ZNRF2: variants seen among roughly 807,000 people sequenced by gnomAD.
The protein encoded by ZNRF2 is E3 ubiquitin-protein ligase ZNRF2.
A neutral mutation model predicts 20.4 loss-of-function variants in ZNRF2; 16 were observed. That is an observed-to-expected ratio of 0.79 (90% CI 0.53 to 1.19). The LOEUF (loss-of-function observed/expected upper bound fraction) is 1.19. Ranked by LOEUF, ZNRF2 falls within the 50% of genes most tolerant of loss-of-function variation. The probability of loss-of-function intolerance (pLI) is 0.00; values close to 1 mark genes in which losing one functional copy is unlikely to be tolerated. For missense variants in ZNRF2, 363 were observed against 332.4 expected (o/e 1.09, Z -0.72); for synonymous variants, 178 against 144.9 (o/e 1.23, Z -1.64).
At chr7:30,319,111 CAA>C (rs35424608) in intron 1 of ZNRF2, among the ~76,000 whole-genome samples, 7 of 121,734 alleles carry the variant, frequency 5.8e-5, no homozygotes, top group African/African-American at 5.8e-5. Flanking sequence ...AACTCCGTCT[CAA>C]AAAAAAAAAA....
chr7:30,316,288 C>CAAAAAAAAAAAAAA (rs60218988), intron 1 of ZNRF2, among the ~76,000 whole-genome samples: 11 of 27,498 alleles, frequency 4.0e-4, no homozygotes, highest in Admixed American at 1.4e-3. Context: ...AACTCCATCT[C>CAAAAAAAAAAAAAA]AAAAAAAAAA....
At chr7:30,297,731 G>C (rs1172446687) in intron 1 of ZNRF2, among the ~76,000 whole-genome samples, 1 of 139,860 alleles carries the variant, frequency 7.2e-6, no homozygotes, top group Non-Finnish European at 1.5e-5. Context: ...GCTGCTTTCT[G>C]TGATTTTTTT....
chr7:30,353,318 TG>T (rs1189028598), intron 2 of ZNRF2, among the ~76,000 whole-genome samples: 2 of 152,130 alleles, frequency 1.3e-5, no homozygotes, highest in African/African-American at 2.4e-5. Context: ...AGGCTGTTTC[TG>T]CACTGAAATC....
chr7:30,284,653 G>C lies in ZNRF2; in HGVS notation c.-705G>C, dbSNP rs553500768. The stretch of plus-strand genomic sequence containing the variant: ...CGCCGCTCCGCGGCCTTCCGGCGCG[G>C]GGCCGGGGAACCTCCTCCCCATCTG... On this transcript the variant is annotated 5_prime_UTR_variant, in exon 1 of 5. Coordinates refer to ENST00000323037, the MANE Select transcript of ZNRF2 (RefSeq NM_147128.4). The C allele has an allele frequency of 6.5e-6, 1 of 153,870 alleles. No homozygotes were observed. Among genetic ancestry groups the C allele is most frequent in the African/African-American group, 2.4e-5 (1 of 41,562 alleles). The allele number at this position is 153,870 out of a possible 1,614,324, so 9.5% of individuals were successfully genotyped here. A position where few individuals can be genotyped will look rare whatever the true frequency, so the allele number is the denominator to read the frequency against.
intron 2 of ZNRF2, among the ~76,000 whole-genome samples, chr7:30,352,940 C>G (rs1799981550): frequency 6.6e-6 from 1 of 151,984 alleles, no homozygotes; most frequent in South Asian, 2.1e-4. Flanking sequence ...ATGTAGTTAC[C>G]TATGTGAAGG....
At chr7:30,297,357 G>A (rs1358113219) in intron 1 of ZNRF2, among the ~76,000 whole-genome samples, 1 of 152,088 alleles carries the variant, frequency 6.6e-6, no homozygotes, top group Non-Finnish European at 1.5e-5. Flanking sequence ...CTGGTTCCTT[G>A]AATTTATGTG....
chr7:30,352,335 A>G (rs1430969840), intron 2 of ZNRF2, among the ~76,000 whole-genome samples: 2 of 151,960 alleles, frequency 1.3e-5, no homozygotes, highest in Non-Finnish European at 2.9e-5. Flanking sequence ...AGGTACATAT[A>G]ATTTTTTGGT....
intron 1 of ZNRF2, among the ~76,000 whole-genome samples, chr7:30,300,763 T>C (rs1056239771): frequency 9.2e-5 from 14 of 152,166 alleles, no homozygotes; most frequent in South Asian, 4.1e-4. Context: ...TACAGAGAAA[T>C]GGTTGAATGA....
At chr7:30,319,089 G>A (rs1799423965) in intron 1 of ZNRF2, among the ~76,000 whole-genome samples, 1 of 151,344 alleles carries the variant, frequency 6.6e-6, no homozygotes, top group South Asian at 2.1e-4. Flanking sequence ...TCCAGCCTGG[G>A]TGAAAGAGCG....
intron 3 of ZNRF2, among the ~76,000 whole-genome samples, chr7:30,361,734 A>G (rs1403922930): frequency 3.9e-5 from 6 of 152,164 alleles, no homozygotes; most frequent in Non-Finnish European, 5.9e-5. Flanking sequence ...TTTTATTTCA[A>G]TAAATCTTAA....
At chr7:30,356,404 A>G (rs1800039247) in intron 3 of ZNRF2, among the ~76,000 whole-genome samples, 1 of 152,188 alleles carries the variant, frequency 6.6e-6, no homozygotes, top group South Asian at 2.1e-4. Flanking sequence ...AGGAAATAAA[A>G]CAAAATATGG....
At chr7:30,332,034 C>T (rs1034634424) in intron 2 of ZNRF2, among the ~76,000 whole-genome samples, 10 of 152,106 alleles carry the variant, frequency 6.6e-5, no homozygotes, top group Non-Finnish European at 2.9e-5. Flanking sequence ...CACATAGCTG[C>T]CCAAAAGTAG....
rs60218988 is a variant in ZNRF2, at chr7:30,316,288, C to CAAAAAAAAAAAAA, written c.470-7334_470-7322dup. On this transcript the variant is annotated intron_variant, in intron 1 of 4. Coordinates refer to ENST00000323037, the MANE Select transcript of ZNRF2 (RefSeq NM_147128.4). The stretch of plus-strand genomic sequence containing the variant: ...GGGCAACAAGAGCGAAACTCCATCT[C>CAAAAAAAAAAAAA]AAAAAAAAAAAAAAAAAAAAAAAAA... 6.5e-4 allele frequency among the ~76,000 whole-genome samples: 18 copies of CAAAAAAAAAAAAA among 27,500 alleles called. 1 individual carries two copies. Among genetic ancestry groups the CAAAAAAAAAAAAA allele is most frequent in the African/African-American group, 8.2e-4 (9 of 10,944 alleles). 18.0% of individuals were successfully genotyped at this position (27,500 alleles called of 152,430 possible). A position where few individuals can be genotyped will look rare whatever the true frequency, so the allele number is the denominator to read the frequency against.
At chr7:30,333,431 G>A (rs572843893) in intron 2 of ZNRF2, among the ~76,000 whole-genome samples, 4 of 149,100 alleles carry the variant, frequency 2.7e-5, no homozygotes, top group Admixed American at 6.7e-5. Context: ...GTGCAGTGGC[G>A]CCATCTCACT....
intron 1 of ZNRF2, among the ~76,000 whole-genome samples, chr7:30,288,258 A>G (rs13232559): frequency 6.6e-6 from 1 of 152,248 alleles, no homozygotes; most frequent in Non-Finnish European, 1.5e-5. Flanking sequence ...ATGGTTATAT[A>G]CAAATAACTG....
At chr7:30,288,511 C>G (rs1304619535) in intron 1 of ZNRF2, among the ~76,000 whole-genome samples, 2 of 152,134 alleles carry the variant, frequency 1.3e-5, no homozygotes. Context: ...TAGTAGTTCT[C>G]TCATAATGAA....
At position 30,285,279 on chromosome 7, in the gene ZNRF2, C is replaced by A; in HGVS notation, c.-79C>A. ...GGCCGGCCGCGGCGCCTGGGCCCTG[C>A]CCTCTAGCTCCCGCGCTCGCTCCCG... On this transcript the variant is annotated 5_prime_UTR_variant, in exon 1 of 5. Coordinates refer to ENST00000323037, the MANE Select transcript of ZNRF2 (RefSeq NM_147128.4). 1 of 991,358 alleles carries A rather than the reference C, an allele frequency of 1.0e-6. No individual in the cohort carries two copies. Among genetic ancestry groups the A allele is most frequent in the Non-Finnish European group, 1.2e-6 (1 of 821,934 alleles). The allele number at this position is 991,358 out of a possible 1,614,324, so 61.4% of individuals were successfully genotyped here.
chr7:30,332,776 T>C (rs1799655882), intron 2 of ZNRF2, among the ~76,000 whole-genome samples: 1 of 152,202 alleles, frequency 6.6e-6, no homozygotes, highest in Admixed American at 6.5e-5. Flanking sequence ...CAGTCCACCA[T>C]TGATGGGCAC....
chr7:30,290,692 A>G (rs1186497823), intron 1 of ZNRF2, among the ~76,000 whole-genome samples: 1 of 152,232 alleles, frequency 6.6e-6, no homozygotes, highest in South Asian at 2.1e-4. Context: ...CAAAGGTTTA[A>G]ACACCAGGAA....
Sources: allele counts gnomAD v4.1 joint callset (sites outside exome capture counted in the v4.1 genomes callset), GRCh38; gene constraint gnomAD v4.1.1; transcripts MANE v1.5; gene names NCBI Gene and HGNC (gene_info 2026-07-23, HGNC 2026-07-21).